The following ATXN7 variants were observed in gnomAD, a reference collection of about 807,000 sequenced individuals.
The protein encoded by ATXN7 is ataxin 7.
Under a neutral mutation model 70.5 loss-of-function variants are expected in ATXN7, and 12 were observed. That is an observed-to-expected ratio of 0.17 (90% confidence interval 0.11 to 0.28). The LOEUF is 0.28. Ranked by LOEUF, ATXN7 falls within the 10% of genes least tolerant of loss-of-function variation. ATXN7 has a pLI of 1.00. For synonymous variants in ATXN7, 498 were observed against 448.7 expected (o/e 1.11, Z -1.39); for missense variants, 1,256 against 1,131.7 (o/e 1.11, Z -1.58).
At chr3:63,928,928 G>A (rs1034448602) in intron 4 of ATXN7, among the ~76,000 whole-genome samples, 3 of 152,178 alleles carry the variant, frequency 2.0e-5, no homozygotes, top group African/African-American at 7.2e-5. Flanking sequence ...GGTGGAGAGG[G>A]GGAAATGGAT....
chr3:63,982,585 ATGTT>A, intron 7 of ATXN7, 140 bp downstream of exon 7: 1 of 782,806 alleles, frequency 1.3e-6, no homozygotes, highest in Non-Finnish European at 2.0e-6. Flanking sequence ...CTTAGTTAAT[ATGTT>A]TGTTCTTTTC....
rs2075504319 is a variant in ATXN7 at position 63,982,416 on chromosome 3, A to G, written c.983A>G (p.Asn328Ser). The G allele has an allele frequency of 1.2e-6, 2 of 1,610,624 alleles. No individual in the cohort carries two copies. Among genetic ancestry groups the G allele is most frequent in the South Asian group, 2.2e-5 (2 of 90,882 alleles). The part of the protein sequence containing the change: ...LEKKPEDNSN[N>S]RKFLNKRLSE... ...AAGAAACCTGAAGACAATTCCAATA[A>G]TAGGAAATTTTTAAATAAGAGATTA... Residue 328 changes from asparagine (N) to serine (S), a missense_variant, in exon 7 of 13, where the codon AAT becomes AGT. Coordinates refer to ENST00000674280, the MANE Select transcript of ATXN7 (RefSeq NM_001377405.1).
At chr3:63,870,610 C>T (rs902627252) in intron 1 of ATXN7, among the ~76,000 whole-genome samples, 1 of 152,064 alleles carries the variant, frequency 6.6e-6, no homozygotes, top group Non-Finnish European at 1.5e-5. Context: ...CTCACCTTGC[C>T]CATTTTTTTA....
chr3:63,953,682 T>C (rs1217829764), intron 5 of ATXN7, among the ~76,000 whole-genome samples: 1 of 148,300 alleles, frequency 6.7e-6, no homozygotes, highest in African/African-American at 2.5e-5. Flanking sequence ...TGAGACGGCC[T>C]CTCTGTCATC....
intron 2 of ATXN7, among the ~76,000 whole-genome samples, chr3:63,908,730 T>A (rs1703920843): frequency 6.6e-6 from 1 of 152,262 alleles, no homozygotes; most frequent in Admixed American, 6.5e-5. Context: ...GTCAACTTTT[T>A]GTTTTGTTTT....
intron 4 of ATXN7, among the ~76,000 whole-genome samples, chr3:63,918,424 C>G (rs1704373100): frequency 6.6e-6 from 1 of 152,170 alleles, no homozygotes. Context: ...GTCTTCTTTT[C>G]TCCTCAACTG....
At chr3:63,882,385 CTT>C (rs1164256938) in intron 1 of ATXN7, among the ~76,000 whole-genome samples, 25 of 128,774 alleles carry the variant, frequency 1.9e-4, no homozygotes, top group Non-Finnish European at 2.2e-4. Context: ...GCCTTTGATT[CTT>C]TTTTTTTTTT....
At chr3:63,940,455 A>G (rs920104870) in intron 4 of ATXN7, among the ~76,000 whole-genome samples, 8 of 152,194 alleles carry the variant, frequency 5.3e-5, no homozygotes, top group African/African-American at 1.9e-4. Flanking sequence ...AATGAGAGCC[A>G]TGGAATTTAC....
intron 5 of ATXN7, among the ~76,000 whole-genome samples, chr3:63,959,231 G>A (rs935862109): frequency 2.0e-5 from 3 of 152,158 alleles, no homozygotes; most frequent in Non-Finnish European, 4.4e-5. Flanking sequence ...TTAGAGAATT[G>A]GCTGACATGT....
chr3:63,884,230 CACACACACACAT>C (rs1231475574), intron 1 of ATXN7, among the ~76,000 whole-genome samples: 15 of 148,460 alleles, frequency 1.0e-4, no homozygotes, highest in Non-Finnish European at 1.6e-4. Flanking sequence ...CACACACACA[CACACACACACAT>C]ACTCTCACAC....
At chr3:63,917,567 G>C (rs1189911389) in intron 4 of ATXN7, among the ~76,000 whole-genome samples, 2 of 152,168 alleles carry the variant, frequency 1.3e-5, no homozygotes, top group African/African-American at 4.8e-5. Flanking sequence ...TTGGGAAGCT[G>C]TCCATAACTT....
rs1051609386 is a variant in ATXN7, at chr3:63,990,896, T to C, written c.1682+37T>C. 5 of 1,614,032 alleles carry C rather than the reference T, an allele frequency of 3.1e-6. No individual in the cohort carries two copies. The Admixed American group carries it at 5.0e-5, about 16-fold the overall frequency. On this transcript the variant is annotated intron_variant, in intron 11 of 12. Transcript: ENST00000674280. Reference sequence around the variant, plus strand: ...TTGTTCTTGGGAGAGGAGCTGACTTTACACAGTGCTGCATTGTCTTTTATT... The same window carrying C: ...TTGTTCTTGGGAGAGGAGCTGACTTCACACAGTGCTGCATTGTCTTTTATT...
chr3:63,891,140 G>A (rs1019196983), intron 1 of ATXN7, among the ~76,000 whole-genome samples: 5 of 152,078 alleles, frequency 3.3e-5, no homozygotes, highest in African/African-American at 1.2e-4. Flanking sequence ...CTCCTGAGAA[G>A]CTGGGACTAC....
chr3:63,871,057 C>T (rs1327369014), intron 1 of ATXN7, among the ~76,000 whole-genome samples: 2 of 152,198 alleles, frequency 1.3e-5, no homozygotes, highest in African/African-American at 4.8e-5. Context: ...GATAACTGCT[C>T]TAACTGATTG....
At chr3:63,944,780 G>T (rs1356808381) in intron 4 of ATXN7, among the ~76,000 whole-genome samples, 1 of 151,586 alleles carries the variant, frequency 6.6e-6, no homozygotes, top group Non-Finnish European at 1.5e-5. Context: ...GTTAGTTTTT[G>T]GTTTTTGTTT....
At chr3:63,935,023 C>G (rs2074632863) in intron 4 of ATXN7, among the ~76,000 whole-genome samples, 1 of 152,162 alleles carries the variant, frequency 6.6e-6, no homozygotes, top group African/African-American at 2.4e-5. Context: ...TTGAAAACCA[C>G]AACTTTAATA....
intron 11 of ATXN7, among the ~76,000 whole-genome samples, chr3:63,993,330 TAAAA>T (rs36046310): frequency 4.1e-5 from 6 of 147,644 alleles, no homozygotes; most frequent in Non-Finnish European, 1.5e-5. Flanking sequence ...TCACTGGGCT[TAAAA>T]AAGGAAAACC....
At chr3:63,937,511 TAAG>T (rs571998271) in intron 4 of ATXN7, among the ~76,000 whole-genome samples, 48 of 152,356 alleles carry the variant, frequency 3.2e-4, no homozygotes, top group Non-Finnish European at 6.3e-4. Context: ...TGGTGAATTT[TAAG>T]TAGTATTATG....
intron 11 of ATXN7, among the ~76,000 whole-genome samples, chr3:63,994,455 A>C (rs1434778585): frequency 6.6e-6 from 1 of 152,132 alleles, no homozygotes; most frequent in Non-Finnish European, 1.5e-5. Context: ...GGCTGGTCTC[A>C]AACTCCTGAC....
Sources: gnomAD v4.1 joint callset for allele counts (sites outside exome capture counted in the v4.1 genomes callset) on GRCh38, gnomAD v4.1.1 for gene constraint, MANE v1.5 for transcripts, NCBI Gene and HGNC (gene_info 2026-07-23, HGNC 2026-07-21) for gene names.